The following AK5 variants were observed in gnomAD, a reference collection of about 807,000 sequenced individuals.
The protein encoded by AK5 is adenylate kinase isoenzyme 5.
Under a neutral mutation model 69.5 loss-of-function variants are expected in AK5, and 27 were observed. The observed-to-expected ratio is 0.39, with a 90% CI of 0.29 to 0.54. The LOEUF is 0.54. AK5 is among the 20% of genes least tolerant of loss of function. The probability of loss-of-function intolerance (pLI) is 0.71; values close to 1 mark genes in which losing one functional copy is unlikely to be tolerated. For synonymous variants in AK5, 260 were observed against 244.4 expected, an observed-to-expected ratio of 1.06 and a Z score of -0.60; for missense variants, 531 against 700.4, an observed-to-expected ratio of 0.76 and a Z score of 2.73.
chr1:77,336,168 G>T (rs1038274461), intron 5 of AK5, among the ~76,000 whole-genome samples: 10 of 144,368 alleles, frequency 6.9e-5, no homozygotes, highest in African/African-American at 2.6e-4. Flanking sequence ...TGCAACCTCC[G>T]CCTCCCGGGT....
chr1:77,314,033 A>G (rs570271970), intron 5 of AK5: 1 of 385,432 alleles, frequency 2.6e-6, no homozygotes, highest in Non-Finnish European at 5.1e-6. Flanking sequence ...TTGTAGTCAT[A>G]GTAATGACAA....
In AK5 at chr1:77,525,573, C is replaced by T. The variant is rs139052981; in HGVS notation, c.1428+3630C>T. Among the ~76,000 whole-genome samples, 446 of 152,236 alleles carry T rather than the reference C, an allele frequency of 2.9e-3. 3 individuals are homozygous for T. The highest frequency in any genetic ancestry group is 9.4e-3 in the African/African-American group (391 of 41,544). On this transcript the variant is annotated intron_variant, in intron 12 of 13. Coordinates refer to ENST00000354567, the MANE Select transcript of AK5 (RefSeq NM_174858.3). ...TTTCTATAATCACATCTTCCATGAA[C>T]TTAGAGAATGAGAACTCAGTCATTA...
chr1:77,298,242 G>A (rs1194779105), intron 5 of AK5, among the ~76,000 whole-genome samples: 2 of 151,044 alleles, frequency 1.3e-5, no homozygotes, highest in East Asian at 3.9e-4. Flanking sequence ...TTTTTATTTT[G>A]AATTACTAAG....
intron 8 of AK5, among the ~76,000 whole-genome samples, chr1:77,421,353 C>G (rs1308551158): frequency 6.6e-6 from 1 of 152,092 alleles, no homozygotes; most frequent in Non-Finnish European, 1.5e-5. Context: ...AGCCAGGATT[C>G]AAAAGGTAGA....
chr1:77,557,645 T>C (rs932672682), intron 13 of AK5, among the ~76,000 whole-genome samples: 2 of 152,182 alleles, frequency 1.3e-5, no homozygotes, highest in East Asian at 3.9e-4. Context: ...TGCTTTCTTC[T>C]CCACATCTCT....
intron 6 of AK5, among the ~76,000 whole-genome samples, chr1:77,367,845 A>ATATATAATATG (rs1647017983): frequency 1.2e-3 from 2 of 1,714 alleles, no homozygotes; most frequent in African/African-American, 1.6e-3. Context: ...TGTTATATAT[A>ATATATAATATG]TTATATATAA....
chr1:77,482,725 T>C (rs1275204723), intron 8 of AK5, among the ~76,000 whole-genome samples: 3 of 150,072 alleles, frequency 2.0e-5, no homozygotes, highest in East Asian at 3.9e-4. Context: ...GAGCCGAGAC[T>C]GCACCACTGC....
At chr1:77,368,468 A>G (rs1465924294) in intron 6 of AK5, among the ~76,000 whole-genome samples, 4 of 150,832 alleles carry the variant, frequency 2.7e-5, no homozygotes, top group Non-Finnish European at 5.9e-5. Context: ...AGCCATGAGA[A>G]AGCAAAGATG....
At chr1:77,340,265 G>T in intron 5 of AK5, 112 bp from the exon 6 acceptor site, 1 of 1,070,112 alleles carries the variant, frequency 9.3e-7, no homozygotes. Context: ...CAAAAACATA[G>T]AGGGCCAAAT....
At chr1:77,299,661 C>T (rs544953002) in intron 5 of AK5, among the ~76,000 whole-genome samples, 1 of 152,212 alleles carries the variant, frequency 6.6e-6, no homozygotes, top group Admixed American at 6.5e-5. Flanking sequence ...TTTGTTATTG[C>T]TGTTGCTACC....
chr1:77,318,357 A>G (rs1414774793), intron 5 of AK5, among the ~76,000 whole-genome samples: 1 of 152,184 alleles, frequency 6.6e-6, no homozygotes, highest in African/African-American at 2.4e-5. Flanking sequence ...TAAACCATTC[A>G]TGAGAACTTT....
chr1:77,430,697 C>G (rs1651579457), intron 8 of AK5, among the ~76,000 whole-genome samples: 1 of 152,040 alleles, frequency 6.6e-6, no homozygotes, highest in African/African-American at 2.4e-5. Context: ...GTAGAAGAAG[C>G]CATTAGAGAG....
chr1:77,363,596 A>G (rs1646902020), intron 6 of AK5, among the ~76,000 whole-genome samples: 1 of 152,100 alleles, frequency 6.6e-6, no homozygotes, highest in African/African-American at 2.4e-5. Context: ...TGTTCTCTCT[A>G]TGACCTTATC....
At chr1:77,544,512 G>GT (rs1248606973) in intron 13 of AK5, among the ~76,000 whole-genome samples, 1 of 150,250 alleles carries the variant, frequency 6.7e-6, no homozygotes, top group African/African-American at 2.4e-5. Flanking sequence ...CTTATTCTAT[G>GT]TTTTTTTCTA....
chr1:77,339,808 G>A (rs1661557500), intron 5 of AK5, among the ~76,000 whole-genome samples: 1 of 151,982 alleles, frequency 6.6e-6, no homozygotes, highest in Non-Finnish European at 1.5e-5. Flanking sequence ...ACCACCTGTA[G>A]AGACGGTTTC....
At chr1:77,467,390 C>T (rs550057306) in intron 8 of AK5, among the ~76,000 whole-genome samples, 2 of 152,322 alleles carry the variant, frequency 1.3e-5, no homozygotes, top group African/African-American at 2.4e-5. Context: ...TTCTGTTCTG[C>T]GCAGAGCCTG....
At chr1:77,462,610 CATA>C (rs1161473896) in intron 8 of AK5, among the ~76,000 whole-genome samples, 1 of 152,076 alleles carries the variant, frequency 6.6e-6, no homozygotes, top group Non-Finnish European at 1.5e-5. Context: ...TGTCTATTCA[CATA>C]ATATGTTATG....
intron 6 of AK5, among the ~76,000 whole-genome samples, chr1:77,351,653 T>G (rs904904712): frequency 3.9e-5 from 6 of 152,312 alleles, no homozygotes; most frequent in Non-Finnish European, 4.4e-5. Context: ...ATTGCCTTTC[T>G]TTAGGAAAGC....
intron 8 of AK5, among the ~76,000 whole-genome samples, chr1:77,455,686 G>A (rs1240477437): frequency 6.6e-6 from 1 of 152,078 alleles, no homozygotes; most frequent in Non-Finnish European, 1.5e-5. Context: ...AACAGATGAA[G>A]GCAAAAACTA....
Sources: allele counts gnomAD v4.1 joint callset (sites outside exome capture counted in the v4.1 genomes callset), GRCh38; gene constraint gnomAD v4.1.1; transcripts MANE v1.5; gene names NCBI Gene and HGNC (gene_info 2026-07-23, HGNC 2026-07-21).